Variants in CALCR observed in about 807,000 individuals in gnomAD.
CALCR encodes the protein calcitonin receptor.
CALCR carries 47 observed loss-of-function variants against 59.5 expected under a neutral mutation model. The ratio of observed to expected loss-of-function variants is 0.79; its 90% CI spans 0.63 to 1.01. CALCR has a LOEUF of 1.01. Among genes scored for constraint, CALCR ranks in the 50% least tolerant of loss-of-function variants. The probability of loss-of-function intolerance (pLI) is 0.00; values close to 1 mark genes in which losing one functional copy is unlikely to be tolerated. For synonymous variants in CALCR, 213 were observed against 211.3 expected (o/e 1.01, Z -0.07); for missense variants, 566 against 597.1 (o/e 0.95, Z 0.54).
At position 93,472,459 on chromosome 7, in the gene CALCR, T is replaced by A; in HGVS notation, c.345A>T (p.Lys115Asn). The stretch of plus-strand genomic sequence containing the variant: ...TTTCAGGATGTTTAAACCAAACACC[T>A]TTTTCATCACAGTATTTTGTAACCT... ...SEKVTKYCDE[K>N]GVWFKHPENN... The change falls in exon 6 of 14, where the codon AAA (lysine) becomes AAT (asparagine). Residue 115 changes from lysine to asparagine, a missense_variant. Physicochemically the swap from Lys to Asn is moderately conservative, Grantham distance 94. Transcript: ENST00000426151. 1 of 1,603,826 alleles carries A rather than the reference T, an allele frequency of 6.2e-7. No individual in the cohort carries two copies. Among genetic ancestry groups the A allele is most frequent in the South Asian group, 1.1e-5 (1 of 90,744 alleles).
intron 3 of CALCR, among the ~76,000 whole-genome samples, chr7:93,482,461 A>G (rs973377720): frequency 1.3e-5 from 2 of 151,786 alleles, no homozygotes; most frequent in African/African-American, 4.8e-5. Context: ...CTTATCTGTC[A>G]CTTGTATTAG....
intron 13 of CALCR, among the ~76,000 whole-genome samples, chr7:93,433,106 C>A (rs1360523045): frequency 6.6e-6 from 1 of 151,970 alleles, no homozygotes; most frequent in African/African-American, 2.4e-5. Flanking sequence ...AGAATAGGAA[C>A]AACAAAAACT....
At chr7:93,507,606 G>A (rs983524225) in intron 2 of CALCR, among the ~76,000 whole-genome samples, 6 of 150,510 alleles carry the variant, frequency 4.0e-5, no homozygotes, top group Admixed American at 6.6e-5. Flanking sequence ...GATGAAGTCT[G>A]CATTAAAAAA....
chr7:93,428,530 G>A (rs10282071), intron 13 of CALCR, among the ~76,000 whole-genome samples: 2,325 of 152,346 alleles, frequency 0.015, 71 homozygotes, highest in African/African-American at 0.054. Context: ...GCCGGTCGTG[G>A]TGGCTCATGC....
chr7:93,460,698 G>T, intron 8 of CALCR, 123 bp downstream of exon 8: 1 of 587,278 alleles, frequency 1.7e-6, no homozygotes, highest in Non-Finnish European at 2.7e-6. Context: ...AAACTCGACG[G>T]TAGAAGTAAA....
chr7:93,426,473 G>C lies in CALCR; in HGVS notation c.1308C>G (p.Gly436=), dbSNP rs751428108. The C allele has an allele frequency of 6.2e-7, 1 of 1,613,410 alleles. No homozygotes were observed. The highest frequency in any genetic ancestry group is 8.5e-7 in the Non-Finnish European group (1 of 1,179,406). Residue 436 remains glycine, a synonymous_variant, in exon 14 of 14, where the codon GGC becomes GGG. Transcript: ENST00000426151. ...ARAAAAAAEA[G]DIPIYICHQE... ...GATGGCAGATGTAAATTGGGATGTC[G>C]CCAGCCTCCGCAGCAGCGGCTGCAG...
In CALCR at chr7:93,569,077, G is replaced by T. The variant is rs905444645; in HGVS notation, c.-27+5212C>A. ...CAAAATCTACCTTTAAAATAATTTC[G>T]TTTTTTTTTCTTTTCTGTCTCCAAC... is the stretch of plus-strand genomic sequence containing the variant. On this transcript the variant is annotated intron_variant, in intron 2 of 13. Coordinates refer to ENST00000426151, the MANE Select transcript of CALCR (RefSeq NM_001742.4). Among the ~76,000 whole-genome samples the T allele has an allele frequency of 2.7e-4, 40 of 150,508 alleles. No homozygotes were observed. The South Asian group carries it at 6.3e-3, about 24-fold the overall frequency.
At chr7:93,432,930 C>T (rs186986658) in intron 13 of CALCR, among the ~76,000 whole-genome samples, 82 of 152,134 alleles carry the variant, frequency 5.4e-4, no homozygotes, top group African/African-American at 1.9e-3. Context: ...AAAATATTGC[C>T]ACTCTAACAG....
intron 2 of CALCR, among the ~76,000 whole-genome samples, chr7:93,536,614 A>G (rs1232808770): frequency 6.6e-6 from 1 of 151,898 alleles, no homozygotes; most frequent in Non-Finnish European, 1.5e-5. Context: ...TTACATATGT[A>G]TACATGTGCC....
chr7:93,492,037 G>A (rs986225235), intron 2 of CALCR, among the ~76,000 whole-genome samples: 1 of 151,884 alleles, frequency 6.6e-6, no homozygotes, highest in African/African-American at 2.4e-5. Context: ...TAAAGAAAAT[G>A]TGGTACATAT....
chr7:93,548,839 AG>A (rs1201637367), intron 2 of CALCR, among the ~76,000 whole-genome samples: 47 of 137,438 alleles, frequency 3.4e-4, no homozygotes, highest in Middle Eastern at 3.5e-3. Flanking sequence ...ATCCAGAAGA[AG>A]TGTGTGTGTG....
chr7:93,490,722 G>C (rs1801055319), intron 2 of CALCR, among the ~76,000 whole-genome samples: 1 of 151,812 alleles, frequency 6.6e-6, no homozygotes, highest in African/African-American at 2.4e-5. Flanking sequence ...CCTCTTCAAG[G>C]AGAACTACAA....
intron 3 of CALCR, chr7:93,483,872 A>G: frequency 2.3e-6 from 1 of 433,808 alleles, no homozygotes. Flanking sequence ...AAAGCTTTGC[A>G]TATAAACCAT....
intron 2 of CALCR, among the ~76,000 whole-genome samples, chr7:93,549,277 CA>C (rs1789385807): frequency 6.7e-6 from 1 of 150,004 alleles, no homozygotes; most frequent in Non-Finnish European, 1.5e-5. Context: ...ATTCTTAGAC[CA>C]ATTTTTTTTT....
chr7:93,526,383 T>C (rs1057511112), intron 2 of CALCR, among the ~76,000 whole-genome samples: 2 of 151,920 alleles, frequency 1.3e-5, no homozygotes, highest in Non-Finnish European at 2.9e-5. Flanking sequence ...TCTAGAATAG[T>C]ATAGCAAAGA....
intron 3 of CALCR, among the ~76,000 whole-genome samples, chr7:93,482,393 C>A (rs2115904780): frequency 6.6e-6 from 1 of 151,810 alleles, no homozygotes; most frequent in East Asian, 2.0e-4. Flanking sequence ...ATTTCTGGAC[C>A]ATTTTCTCAC....
At chr7:93,511,912 G>T (rs1341722597) in intron 2 of CALCR, among the ~76,000 whole-genome samples, 1 of 152,188 alleles carries the variant, frequency 6.6e-6, no homozygotes, top group East Asian at 1.9e-4. Context: ...TCTTTTCTGG[G>T]TAGGCATGCG....
intron 4 of CALCR, among the ~76,000 whole-genome samples, chr7:93,477,984 A>AAAAAAAAAT (rs1562989517): frequency 1.1e-4 from 16 of 149,580 alleles, no homozygotes; most frequent in African/African-American, 3.9e-4. Context: ...AAAAAAAAAA[A>AAAAAAAAAT]AAAAAAAAAA....
chr7:93,537,486 G>T (rs910488066), intron 2 of CALCR, among the ~76,000 whole-genome samples: 1 of 151,558 alleles, frequency 6.6e-6, no homozygotes, highest in African/African-American at 2.4e-5. Flanking sequence ...TATTAGTTTA[G>T]TTCTATAGTA....
Sources: gnomAD v4.1 joint callset for allele counts (sites outside exome capture counted in the v4.1 genomes callset) on GRCh38, gnomAD v4.1.1 for gene constraint, MANE v1.5 for transcripts, NCBI Gene and HGNC (gene_info 2026-07-23, HGNC 2026-07-21) for gene names.